Variants in FOXO1 observed in about 807,000 individuals in gnomAD.
The protein encoded by FOXO1 is forkhead box O1, also known as forkhead box protein O1.
Under a neutral mutation model 44.1 loss-of-function variants are expected in FOXO1, and 6 were observed. The ratio of observed to expected loss-of-function variants is 0.14; its 90% CI spans 0.07 to 0.27. The LOEUF is 0.27. Among genes scored for constraint, FOXO1 ranks in the 10% least tolerant of loss-of-function variants. The probability of loss-of-function intolerance (pLI) is 1.00; values close to 1 mark genes in which losing one functional copy is unlikely to be tolerated. For missense variants in FOXO1, 737 were observed against 888.8 expected, an observed-to-expected ratio of 0.83 and a Z score of 2.17; for synonymous variants, 380 against 362.7, an observed-to-expected ratio of 1.05 and a Z score of -0.54.
chr13:40,655,561 A>T (rs1877828350), intron 1 of FOXO1, among the ~76,000 whole-genome samples: 1 of 150,624 alleles, frequency 6.6e-6, no homozygotes, highest in Non-Finnish European at 1.5e-5. Flanking sequence ...CCCACCCCTC[A>T]TCAGCAATGT....
rs1873767556 is a variant in FOXO1, at chr13:40,556,744, A to C, written c.*2305T>G. 1 of 152,202 alleles carries C rather than the reference A, an allele frequency of 6.6e-6. No homozygotes were observed. The highest frequency in any genetic ancestry group is 2.1e-4 in the South Asian group (1 of 4,836). The allele number at this position is 152,202 out of a possible 1,614,324, so 9.4% of individuals were successfully genotyped here. On this transcript the variant is annotated 3_prime_UTR_variant, in exon 3 of 3. Coordinates refer to ENST00000379561, the MANE Select transcript of FOXO1 (RefSeq NM_002015.4). ...CTCAGGAGGAAGATATATTTTCCTAAGAGCTACTCCATGAAGTAGTAAGAT... is the reference window on the plus strand; with the variant it reads ...CTCAGGAGGAAGATATATTTTCCTACGAGCTACTCCATGAAGTAGTAAGAT...
intron 1 of FOXO1, among the ~76,000 whole-genome samples, chr13:40,593,021 T>TTTTTG (rs751936565): frequency 3.3e-5 from 5 of 152,032 alleles, no homozygotes; most frequent in Non-Finnish European, 5.9e-5. Context: ...TTTGGGGGCT[T>TTTTTG]TTTTGTTTTG....
intron 1 of FOXO1, among the ~76,000 whole-genome samples, chr13:40,642,764 CA>C (rs1463643985): frequency 6.6e-6 from 1 of 151,886 alleles, no homozygotes; most frequent in Non-Finnish European, 1.5e-5. Flanking sequence ...ACCAAAAATA[CA>C]AAAAAGTAGT....
At chr13:40,654,449 C>T (rs1566086307) in intron 1 of FOXO1, among the ~76,000 whole-genome samples, 1 of 146,192 alleles carries the variant, frequency 6.8e-6, no homozygotes, top group East Asian at 2.0e-4. Flanking sequence ...TGCAGTGAAC[C>T]GAGATGGTGT....
At chr13:40,639,838 T>G (rs764940722) in intron 1 of FOXO1, among the ~76,000 whole-genome samples, 10 of 152,252 alleles carry the variant, frequency 6.6e-5, no homozygotes, top group Non-Finnish European at 1.2e-4. Context: ...CCTTTCTCCC[T>G]TCTATCTGAA....
chr13:40,606,388 C>A (rs757684062), intron 1 of FOXO1, among the ~76,000 whole-genome samples: 1 of 152,140 alleles, frequency 6.6e-6, no homozygotes, highest in Non-Finnish European at 1.5e-5. Flanking sequence ...TAGCTCACTG[C>A]AACCTCTGCC....
At chr13:40,606,759 T>C (rs1876015956) in intron 1 of FOXO1, among the ~76,000 whole-genome samples, 1 of 152,144 alleles carries the variant, frequency 6.6e-6, no homozygotes, top group Non-Finnish European at 1.5e-5. Context: ...GCCCATCTCA[T>C]GCCCCTCTGC....
At chr13:40,589,786 T>C (rs1048876719) in intron 1 of FOXO1, among the ~76,000 whole-genome samples, 2 of 152,182 alleles carry the variant, frequency 1.3e-5, no homozygotes, top group Admixed American at 6.5e-5. Flanking sequence ...AGGAGTCCCA[T>C]TGTTTCAGTG....
chr13:40,593,662 A>G (rs961061768), intron 1 of FOXO1, among the ~76,000 whole-genome samples: 4 of 152,028 alleles, frequency 2.6e-5, no homozygotes, highest in Non-Finnish European at 5.9e-5. Context: ...AGGTAAAGGG[A>G]AAAAAAATAG....
chr13:40,611,771 G>A (rs768458764), intron 1 of FOXO1, among the ~76,000 whole-genome samples: 6 of 152,156 alleles, frequency 3.9e-5, no homozygotes, highest in Non-Finnish European at 5.9e-5. Context: ...ACAGTAAAAT[G>A]TAAAAACCCT....
At chr13:40,625,514 G>A (rs965926097) in intron 1 of FOXO1, among the ~76,000 whole-genome samples, 3 of 152,222 alleles carry the variant, frequency 2.0e-5, no homozygotes, top group South Asian at 2.1e-4. Flanking sequence ...TATGTGGCCC[G>A]GTAGAAAATT....
intron 1 of FOXO1, among the ~76,000 whole-genome samples, chr13:40,604,673 A>G (rs1875934106): frequency 1.3e-5 from 2 of 152,160 alleles, no homozygotes; most frequent in South Asian, 2.1e-4. Flanking sequence ...ATGCCATGAC[A>G]ACAGGAGTCT....
chr13:40,619,712 A>G, intron 1 of FOXO1: 1 of 1,098,216 alleles, frequency 9.1e-7, no homozygotes, highest in Non-Finnish European at 1.4e-6. Flanking sequence ...AGGGGGAAAA[A>G]TTCAGCTGAA....
intron 1 of FOXO1, among the ~76,000 whole-genome samples, chr13:40,644,386 A>C (rs1877448499): frequency 6.6e-6 from 1 of 152,252 alleles, no homozygotes; most frequent in Admixed American, 6.5e-5. Context: ...AAGGAGAGTG[A>C]GGACTTTACT....
In FOXO1 at chr13:40,664,608, G is replaced by A. The variant is rs187889363; in HGVS notation, c.630+975C>T. 1.9e-3 allele frequency among the ~76,000 whole-genome samples: 293 copies of A among 152,234 alleles called. 1 individual carries two copies. Among genetic ancestry groups the A allele is most frequent in the African/African-American group, 6.8e-3 (282 of 41,542 alleles). ...GGTCCTCCATGCTCAAGAATAGGGTGGCAAGGCAGGAAAAGACTCACACAT... is the reference window on the plus strand; with the variant it reads ...GGTCCTCCATGCTCAAGAATAGGGTAGCAAGGCAGGAAAAGACTCACACAT... On this transcript the variant is annotated intron_variant, in intron 1 of 2. Coordinates refer to ENST00000379561, the MANE Select transcript of FOXO1 (RefSeq NM_002015.4).
At chr13:40,565,427 C>A (rs1465625096) in intron 1 of FOXO1, among the ~76,000 whole-genome samples, 1 of 152,180 alleles carries the variant, frequency 6.6e-6, no homozygotes, top group East Asian at 1.9e-4. Context: ...TCTGTCTCAG[C>A]CCAACTGGCC....
chr13:40,663,693 C>A (rs1878121408), intron 1 of FOXO1, among the ~76,000 whole-genome samples: 1 of 152,194 alleles, frequency 6.6e-6, no homozygotes, highest in Non-Finnish European at 1.5e-5. Context: ...TAAGAAGGCA[C>A]TTTACTTTTT....
intron 1 of FOXO1, among the ~76,000 whole-genome samples, chr13:40,604,596 G>GGT (rs1875931081): frequency 6.6e-6 from 1 of 152,012 alleles, no homozygotes; most frequent in Non-Finnish European, 1.5e-5. Flanking sequence ...ATACTACAGA[G>GGT]AACTAACTGA....
At chr13:40,580,229 A>C (rs1326001229) in intron 1 of FOXO1, among the ~76,000 whole-genome samples, 1 of 152,216 alleles carries the variant, frequency 6.6e-6, no homozygotes, top group Non-Finnish European at 1.5e-5. Context: ...AATATATCCA[A>C]GTGAAATATA....
Sources: allele counts gnomAD v4.1 joint callset (sites outside exome capture counted in the v4.1 genomes callset), GRCh38; gene constraint gnomAD v4.1.1; transcripts MANE v1.5; gene names NCBI Gene and HGNC (gene_info 2026-07-23, HGNC 2026-07-21).